The following SCRN3 variants were observed in gnomAD, a reference collection of about 807,000 sequenced individuals.
The protein encoded by SCRN3 is secernin 3, also known as secernin-3.
SCRN3 carries 39 observed loss-of-function variants against 43.1 expected under a neutral mutation model. That is an observed-to-expected ratio of 0.91 (90% CI 0.70 to 1.18). SCRN3 has a LOEUF of 1.18. Ranked by LOEUF, SCRN3 falls within the 50% of genes most tolerant of loss-of-function variation. The pLI is 0.00. For missense variants in SCRN3, 484 were observed against 498.0 expected (o/e 0.97, Z 0.27); for synonymous variants, 147 against 163.1 (o/e 0.90, Z 0.75).
intron 1 of SCRN3, 147 bp downstream of exon 1, chr2:174,395,964 G>C (rs936133431): frequency 7.2e-6 from 10 of 1,390,742 alleles, no homozygotes; most frequent in Non-Finnish European, 8.4e-6. Context: ...GGTGCGGGGT[G>C]GACCGCGGCG....
intron 3 of SCRN3, 73 bp from the exon 4 acceptor site, chr2:174,400,917 C>T: frequency 8.0e-7 from 1 of 1,244,820 alleles, no homozygotes; most frequent in Non-Finnish European, 1.1e-6. Flanking sequence ...TAAAAAATCT[C>T]ATGAGCATGA....
chr2:174,426,750 C>T (rs555247775), intron 7 of SCRN3, among the ~76,000 whole-genome samples: 11 of 151,290 alleles, frequency 7.3e-5, no homozygotes, highest in African/African-American at 1.9e-4. Flanking sequence ...TTAGCCTGGG[C>T]GACAGAATGA....
At position 174,400,015 on chromosome 2, in the gene SCRN3, G is replaced by T. The variant is rs1685452094; in HGVS notation, c.253G>T (p.Glu85Ter). The T allele has an allele frequency of 6.2e-7, 1 of 1,600,540 alleles. No individual in the cohort carries two copies. Among genetic ancestry groups the T allele is most frequent in the Non-Finnish European group, 8.5e-7 (1 of 1,174,984 alleles). The change falls in exon 3 of 8, where the codon GAG becomes TAG. Residue 85 changes from glutamate (E) to a stop codon, truncating the protein, a stop_gained. Coordinates refer to ENST00000272732, the MANE Select transcript of SCRN3 (RefSeq NM_024583.5). LOFTEE classifies it high-confidence loss of function. ...WLWGAEMGAN[E>*]HGVCIGNEAV... is the part of the protein sequence containing the mutation. ...GTGGGGGGCAGAAATGGGAGCCAATGAGCATGGAGTTTGCATTGGGAATGA... is the reference window on the plus strand; with the variant it reads ...GTGGGGGGCAGAAATGGGAGCCAATTAGCATGGAGTTTGCATTGGGAATGA...
chr2:174,410,725 T>C (rs1274976791), intron 5 of SCRN3, among the ~76,000 whole-genome samples: 1 of 152,224 alleles, frequency 6.6e-6, no homozygotes, highest in Non-Finnish European at 1.5e-5. Flanking sequence ...GTTATTTTCT[T>C]GTATATAGAA....
At chr2:174,426,262 A>T (rs1363765573) in intron 7 of SCRN3, among the ~76,000 whole-genome samples, 5 of 152,178 alleles carry the variant, frequency 3.3e-5, no homozygotes, top group Admixed American at 6.5e-5. Context: ...TCTGGAATTT[A>T]CTTTTGTGTA....
chr2:174,427,417 A>G (rs1381121019), intron 7 of SCRN3, among the ~76,000 whole-genome samples: 6 of 152,200 alleles, frequency 3.9e-5, no homozygotes, highest in African/African-American at 1.4e-4. Flanking sequence ...TACACAGTTC[A>G]TATGAGATTT....
In SCRN3 at chr2:174,396,688, C is replaced by G. The variant is rs923488319; in HGVS notation, c.-10+871C>G. On this transcript the variant is annotated intron_variant, in intron 1 of 7. Transcript: ENST00000272732. ...TGGCACGCGCCTGTAATCCCAGCTA[C>G]TCGGGAGGTTGAGGCAGGAGAATCA... is the stretch of plus-strand genomic sequence containing the variant. 8.6e-5 allele frequency among the ~76,000 whole-genome samples: 13 copies of G among 151,926 alleles called. No individual in the cohort carries two copies. The East Asian group carries it at 2.5e-3, about 29-fold the overall frequency.
intron 5 of SCRN3, among the ~76,000 whole-genome samples, chr2:174,407,752 C>T (rs1196928820): frequency 7.4e-4 from 86 of 116,556 alleles, no homozygotes; most frequent in African/African-American, 2.9e-3. Flanking sequence ...TGTTCAGTTT[C>T]CATGTAGTTG....
chr2:174,426,453 C>T (rs770352742), intron 7 of SCRN3, among the ~76,000 whole-genome samples: 13 of 152,142 alleles, frequency 8.5e-5, no homozygotes, highest in African/African-American at 3.1e-4. Context: ...TAGAGTTCTA[C>T]CCCATAATGG....
intron 1 of SCRN3, chr2:174,397,020 A>G (rs1466561106): frequency 7.4e-6 from 7 of 943,690 alleles, no homozygotes; most frequent in Non-Finnish European, 8.8e-6. Flanking sequence ...AGTCTGCCAA[A>G]GTTATATAGT....
At position 174,420,230 on chromosome 2, in the gene SCRN3, C is replaced by T. The variant is rs138025619; in HGVS notation, c.755-2655C>T. Among the ~76,000 whole-genome samples, 1,103 of 152,066 alleles carry T rather than the reference C, an allele frequency of 7.3e-3. 10 individuals carry two copies. The highest frequency in any genetic ancestry group is 0.026 in the African/African-American group (1,062 of 41,448). ...ACAAAAATTTGACTGGAGGGCCAGC[C>T]GAGAAGAAGGTACCTGGGAAATACC... On this transcript the variant is annotated intron_variant, in intron 5 of 7. Coordinates refer to ENST00000272732, the MANE Select transcript of SCRN3 (RefSeq NM_024583.5).
At chr2:174,397,856 A>C (rs752275579) in intron 1 of SCRN3, among the ~76,000 whole-genome samples, 3 of 152,272 alleles carry the variant, frequency 2.0e-5, no homozygotes, top group Non-Finnish European at 2.9e-5. Flanking sequence ...AATGTGAACT[A>C]TACAGTAGAA....
chr2:174,402,060 A>C (rs1379683802), intron 4 of SCRN3, among the ~76,000 whole-genome samples: 1 of 152,216 alleles, frequency 6.6e-6, no homozygotes, highest in Non-Finnish European at 1.5e-5. Flanking sequence ...GTTATTTTTC[A>C]AAACAGGTCA....
At chr2:174,395,910 C>T (rs1297187410) in intron 1 of SCRN3, 93 bp downstream of exon 1, 3 of 1,422,556 alleles carry the variant, frequency 2.1e-6, no homozygotes, top group East Asian at 5.3e-5. Flanking sequence ...CGAGGGGCTC[C>T]GGAGCCCAGC....
intron 5 of SCRN3, 116 bp downstream of exon 5, chr2:174,404,431 A>C (rs1177751677): frequency 6.1e-6 from 4 of 660,706 alleles, no homozygotes; most frequent in Non-Finnish European, 7.2e-6. Context: ...TTGTTCTATT[A>C]AAATGAAAAA....
intron 7 of SCRN3, among the ~76,000 whole-genome samples, chr2:174,425,514 C>T (rs79426976): frequency 9.9e-5 from 15 of 152,104 alleles, no homozygotes; most frequent in African/African-American, 1.4e-4. Context: ...CACACTGAAA[C>T]GGATTAAATG....
intron 5 of SCRN3, among the ~76,000 whole-genome samples, chr2:174,411,726 A>G (rs1474963688): frequency 6.6e-6 from 1 of 152,164 alleles, no homozygotes; most frequent in Non-Finnish European, 1.5e-5. Flanking sequence ...GTTCGAGACC[A>G]CCCTGGCCAA....
chr2:174,396,080 G>A (rs1371358586), intron 1 of SCRN3: 1 of 1,164,982 alleles, frequency 8.6e-7, no homozygotes, highest in African/African-American at 1.6e-5. Context: ...ATGTTATGAA[G>A]ATAATAATTC....
intron 1 of SCRN3, chr2:174,397,092 A>T (rs1317823882): frequency 8.1e-6 from 8 of 983,308 alleles, no homozygotes; most frequent in Non-Finnish European, 9.7e-6. Flanking sequence ...TGAAATACAG[A>T]AAGAAAATAA....
Sources: gnomAD v4.1 joint callset for allele counts (sites outside exome capture counted in the v4.1 genomes callset) on GRCh38, gnomAD v4.1.1 for gene constraint, MANE v1.5 for transcripts, NCBI Gene and HGNC (gene_info 2026-07-23, HGNC 2026-07-21) for gene names.